KLHL2: variants seen among roughly 807,000 people sequenced by gnomAD.
The protein encoded by KLHL2 is kelch-like protein 2.
KLHL2 carries 15 observed loss-of-function variants against 75.8 expected under a neutral mutation model. That is an observed-to-expected ratio of 0.20 (90% CI 0.13 to 0.30). The LOEUF (loss-of-function observed/expected upper bound fraction) is 0.30. Among genes scored for constraint, KLHL2 ranks in the 10% least tolerant of loss-of-function variants. KLHL2 has a pLI of 1.00. For synonymous variants in KLHL2, 214 were observed against 251.9 expected (o/e 0.85, Z 1.42); for missense variants, 381 against 741.0 (o/e 0.51, Z 5.64).
chr4:165,305,782 T>C (rs1010953588), intron 9 of KLHL2, 57 bp downstream of exon 9: 6 of 1,150,868 alleles, frequency 5.2e-6, no homozygotes, highest in East Asian at 2.3e-5. Context: ...GAGCTTCTTT[T>C]TCAGGTCTTA....
intron 1 of KLHL2, 21 bp from the exon 2 acceptor site, chr4:165,219,913 G>A (rs369955602): frequency 1.0e-5 from 16 of 1,584,760 alleles, no homozygotes; most frequent in Middle Eastern, 1.7e-4. Flanking sequence ...TTCTGTTTTT[G>A]TTCTTTTCTT....
chr4:165,257,811 C>T (rs1741306652), intron 4 of KLHL2, among the ~76,000 whole-genome samples: 1 of 151,992 alleles, frequency 6.6e-6, no homozygotes, highest in Non-Finnish European at 1.5e-5. Flanking sequence ...CAGACGTGAT[C>T]CTACTGCCAC....
Position 165,251,480 on chromosome 4 carries a change from TA to T in KLHL2, c.382-11710del, listed in dbSNP as rs895908143. ...TTTTATTCAATATAAGAATATAGAA[TA>T]AAAAAAGTCTTATTTAAAATTTAAT... On this transcript the variant is annotated intron_variant, in intron 4 of 14. Transcript: ENST00000226725. Among the ~76,000 whole-genome samples the T allele has an allele frequency of 5.9e-5, 9 of 151,964 alleles. No individual in the cohort carries two copies. The East Asian group carries it at 9.7e-4, about 16-fold the overall frequency.
chr4:165,296,692 G>A (rs184724320), intron 6 of KLHL2, among the ~76,000 whole-genome samples: 2 of 152,174 alleles, frequency 1.3e-5, no homozygotes, highest in Non-Finnish European at 2.9e-5. Context: ...GATGATAGAA[G>A]CAGGGGGGAG....
chr4:165,241,823 T>TTTTA (rs1264590850), intron 4 of KLHL2, among the ~76,000 whole-genome samples: 8 of 152,110 alleles, frequency 5.3e-5, no homozygotes, highest in Non-Finnish European at 8.8e-5. Context: ...AACAATATAA[T>TTTTA]ACCTATTTGA....
intron 4 of KLHL2, among the ~76,000 whole-genome samples, chr4:165,255,177 T>C (rs1245918318): frequency 2.6e-5 from 4 of 152,242 alleles, no homozygotes; most frequent in African/African-American, 9.6e-5. Context: ...TCAGTCTGCC[T>C]GAGGCTGCTT....
intron 7 of KLHL2, among the ~76,000 whole-genome samples, chr4:165,298,951 C>CCCCCCCCCA (rs1745134854): frequency 7.2e-6 from 1 of 139,136 alleles, no homozygotes; most frequent in African/African-American, 2.6e-5. Flanking sequence ...CCCCCCTCCC[C>CCCCCCCCCA]CCCCAGAAAA....
intron 14 of KLHL2, among the ~76,000 whole-genome samples, chr4:165,320,994 C>T (rs1746935475): frequency 6.6e-6 from 1 of 152,172 alleles, no homozygotes; most frequent in South Asian, 2.1e-4. Context: ...AACAAATTGA[C>T]ATTAGACAGT....
chr4:165,280,570 G>T (rs1743587522), intron 5 of KLHL2, among the ~76,000 whole-genome samples: 1 of 152,210 alleles, frequency 6.6e-6, no homozygotes, highest in South Asian at 2.1e-4. Flanking sequence ...TTATTCAAGG[G>T]TCTATTGCAG....
At chr4:165,263,553 A>C (rs575955708) in intron 5 of KLHL2, among the ~76,000 whole-genome samples, 194 bp downstream of exon 5, 1 of 151,868 alleles carries the variant, frequency 6.6e-6, no homozygotes, top group African/African-American at 2.4e-5. Context: ...GCAAGCAACT[A>C]TACATTGGGA....
At chr4:165,216,818 C>T (rs1231831520) in intron 1 of KLHL2, among the ~76,000 whole-genome samples, 1 of 152,142 alleles carries the variant, frequency 6.6e-6, no homozygotes, top group Non-Finnish European at 1.5e-5. Context: ...ACTCTCGGTA[C>T]AGAGAACACT....
chr4:165,254,604 C>CTGTACTTTA (rs1741013223), intron 4 of KLHL2, among the ~76,000 whole-genome samples: 1 of 152,142 alleles, frequency 6.6e-6, no homozygotes, highest in Non-Finnish European at 1.5e-5. Flanking sequence ...CCAAGGCTTA[C>CTGTACTTTA]TGTACTTTAG....
chr4:165,234,351 T>C (rs1444139067), intron 3 of KLHL2, among the ~76,000 whole-genome samples: 2 of 152,236 alleles, frequency 1.3e-5, no homozygotes, highest in African/African-American at 2.4e-5. Flanking sequence ...AACATAGCTA[T>C]AAATTTGTTA....
intron 5 of KLHL2, among the ~76,000 whole-genome samples, chr4:165,287,195 C>G (rs1305045927): frequency 6.6e-6 from 1 of 152,076 alleles, no homozygotes; most frequent in Non-Finnish European, 1.5e-5. Context: ...ATTATACTTC[C>G]TGTTTCTATA....
intron 14 of KLHL2, chr4:165,321,452 A>C (rs1019923917): frequency 5.5e-6 from 2 of 366,416 alleles, no homozygotes; most frequent in African/African-American, 4.2e-5. Flanking sequence ...AATACAATAT[A>C]TAACACATAA....
intron 1 of KLHL2, chr4:165,210,047 C>T: frequency 6.5e-7 from 1 of 1,549,640 alleles, no homozygotes; most frequent in Non-Finnish European, 8.7e-7. Flanking sequence ...GAACAGAGGC[C>T]AGTGGAAACT....
rs539595414 is a variant in KLHL2, at chr4:165,279,090, A to C, written c.545-15269A>C. On this transcript the variant is annotated intron_variant, in intron 5 of 14. Transcript: ENST00000226725. ...ACACCTCCATTGACGCCTCCTGTCA[A>C]ACTCCAAATAAGCCATGAATCAATA... 88 of 1,571,464 alleles carry C rather than the reference A, an allele frequency of 5.6e-5. 1 individual carries two copies. In the South Asian group the frequency reaches 9.8e-4, roughly 17 times the overall value.
At chr4:165,225,333 C>G (rs557598058) in intron 2 of KLHL2, among the ~76,000 whole-genome samples, 1 of 152,268 alleles carries the variant, frequency 6.6e-6, no homozygotes, top group South Asian at 2.1e-4. Context: ...CACTTATTTC[C>G]TTGTCTGTCT....
At chr4:165,267,892 G>A (rs1399742780) in intron 5 of KLHL2, among the ~76,000 whole-genome samples, 4 of 152,162 alleles carry the variant, frequency 2.6e-5, no homozygotes, top group Admixed American at 2.6e-4. Flanking sequence ...AATGGTATCA[G>A]CTCCTCTTTG....
Sources: allele counts gnomAD v4.1 joint callset (sites outside exome capture counted in the v4.1 genomes callset), GRCh38; gene constraint gnomAD v4.1.1; transcripts MANE v1.5; gene names NCBI Gene and HGNC (gene_info 2026-07-23, HGNC 2026-07-21).